The following LHPP variants were observed in gnomAD, a reference collection of about 807,000 sequenced individuals.
LHPP encodes the protein hLHPP.
In LHPP, 24 loss-of-function variants were observed where a neutral mutation model predicts 30.3. The ratio of observed to expected loss-of-function variants is 0.79; its 90% CI spans 0.57 to 1.11. The LOEUF (loss-of-function observed/expected upper bound fraction) is 1.11, where lower values mean the gene tolerates loss of function less well. Among genes scored for constraint, LHPP ranks in the 50% most tolerant of loss-of-function variants. The probability of loss-of-function intolerance (pLI) is 0.00; values close to 1 mark genes in which losing one functional copy is unlikely to be tolerated. For missense variants in LHPP, 356 were observed against 367.2 expected (o/e 0.97, Z 0.25); for synonymous variants, 150 against 157.1 (o/e 0.95, Z 0.34).
intron 3 of LHPP, among the ~76,000 whole-genome samples, chr10:124,494,618 C>T (rs1013928768): frequency 6.6e-6 from 1 of 152,160 alleles, no homozygotes; most frequent in Non-Finnish European, 1.5e-5. Flanking sequence ...GGTGGCGTGG[C>T]CACCCTGGTC....
chr10:124,588,613 A>C (rs1948835008), intron 6 of LHPP, among the ~76,000 whole-genome samples: 1 of 152,196 alleles, frequency 6.6e-6, no homozygotes, highest in East Asian at 1.9e-4. Context: ...GTTTTTACAG[A>C]TGTCTGCAAA....
chr10:124,537,027 T>G (rs911866845), intron 6 of LHPP, among the ~76,000 whole-genome samples: 5 of 152,222 alleles, frequency 3.3e-5, no homozygotes, highest in Non-Finnish European at 7.3e-5. Flanking sequence ...TTCAGAATAA[T>G]CTAGCACTTA....
At chr10:124,480,639 C>T (rs970300211) in intron 1 of LHPP, among the ~76,000 whole-genome samples, 28 of 152,152 alleles carry the variant, frequency 1.8e-4, no homozygotes, top group African/African-American at 6.3e-4. Context: ...CCATAATGTA[C>T]AAGGTGACGC....
intron 6 of LHPP, among the ~76,000 whole-genome samples, chr10:124,545,636 G>T (rs535185430): frequency 1.3e-5 from 2 of 150,092 alleles, no homozygotes; most frequent in African/African-American, 2.5e-5. Flanking sequence ...AAGGCCCAGC[G>T]GGTGTGTCAG....
At chr10:124,500,421 G>A (rs912242845) in intron 5 of LHPP, among the ~76,000 whole-genome samples, 1 of 151,972 alleles carries the variant, frequency 6.6e-6, no homozygotes, top group Admixed American at 6.5e-5. Flanking sequence ...GCAGTGAGCC[G>A]AAATTGTGCC....
Position 124,496,891 on chromosome 10 carries a change from C to A in LHPP, c.468-70C>A. On this transcript the variant is annotated intron_variant, in intron 3 of 6. Coordinates refer to ENST00000368842, the MANE Select transcript of LHPP (RefSeq NM_022126.4). This position sits in a 1 kb window ranked among gnomAD's most constrained non-coding sequence, Gnocchi z 4.3. The stretch of plus-strand genomic sequence containing the variant: ...AGCGGGACAGGCCCGGTGCTCAGCT[C>A]CCGATACTTAGCATCCTGCGGTCAG... 1 of 1,428,068 alleles carries A rather than the reference C, an allele frequency of 7.0e-7. No individual in the cohort carries two copies. The highest frequency in any genetic ancestry group is 9.8e-7 in the Non-Finnish European group (1 of 1,022,238). 88.5% of individuals were successfully genotyped at this position (1,428,068 alleles called of 1,614,324 possible).
chr10:124,568,950 C>T (rs556499395), intron 6 of LHPP, among the ~76,000 whole-genome samples: 3 of 152,206 alleles, frequency 2.0e-5, no homozygotes, highest in East Asian at 3.9e-4. Context: ...GTTCTGTCCC[C>T]CCCACGGCTC....
At chr10:124,566,692 C>T (rs1011095074) in intron 6 of LHPP, among the ~76,000 whole-genome samples, 1 of 152,042 alleles carries the variant, frequency 6.6e-6, no homozygotes, top group African/African-American at 2.4e-5. Context: ...TGGATGGAGT[C>T]GCAGCAGACA....
Position 124,488,503 on chromosome 10 carries a change from A to T in LHPP, c.395A>T (p.Tyr132Phe). 1 of 1,614,074 alleles carries T rather than the reference A, an allele frequency of 6.2e-7. No homozygotes were observed. Among genetic ancestry groups the T allele is most frequent in the Non-Finnish European group, 8.5e-7 (1 of 1,180,008 alleles). ...GCAGACGCAGGAGAAAGCTTTTCTT[A>T]TCAAAACATGAATAACGCCTTCCAG... ...VIADAGESFS[Y>F]QNMNNAFQVL... Residue 132 changes from tyrosine to phenylalanine, a missense_variant, in exon 3 of 7, where the codon TAT (tyrosine) becomes TTT (phenylalanine). Tyr to Phe is a conservative substitution (Grantham distance 22). Transcript: ENST00000368842.
chr10:124,507,013 G>GTA lies in LHPP; in HGVS notation c.624+8885_624+8886insTA, dbSNP rs1284849823. Among the ~76,000 whole-genome samples the GTA allele has an allele frequency of 9.1e-5, 2 of 22,056 alleles. 1 individual carries two copies. The highest frequency in any genetic ancestry group is 3.4e-4 in the African/African-American group (2 of 5,824). The allele number at this position is 22,056 out of a possible 152,430, so 14.5% of individuals were successfully genotyped here. On this transcript the variant is annotated intron_variant, in intron 5 of 6. Transcript: ENST00000368842. ...GGGGGGTAGGGAGGATTTCAGGTCG[G>GTA]GGGGTAGACAGGATTTCAGGTGAGG...
chr10:124,464,737 A>T (rs934044239), intron 1 of LHPP, among the ~76,000 whole-genome samples: 1 of 152,172 alleles, frequency 6.6e-6, no homozygotes, highest in African/African-American at 2.4e-5. Context: ...CCAGAGCTCA[A>T]TGCTGTGACT....
At position 124,523,800 on chromosome 10, in the gene LHPP, G is replaced by A. The variant is rs1383275318; in HGVS notation, c.716+6529G>A. Reference sequence around the variant, plus strand: ...TGCTGGGCTTGGGAGCTCACCCCAAGTTCCTCGGGTACTCATCCTGGCAGT... The same window carrying A: ...TGCTGGGCTTGGGAGCTCACCCCAAATTCCTCGGGTACTCATCCTGGCAGT... On this transcript the variant is annotated intron_variant, in intron 6 of 6. Coordinates refer to ENST00000368842, the MANE Select transcript of LHPP (RefSeq NM_022126.4). This position sits in a 1 kb window ranked among gnomAD's most constrained non-coding sequence, Gnocchi z 4.2. Among the ~76,000 whole-genome samples the A allele has an allele frequency of 1.3e-5, 2 of 152,186 alleles. No homozygotes were observed. The highest frequency in any genetic ancestry group is 3.9e-4 in the East Asian group (2 of 5,192).
intron 6 of LHPP, among the ~76,000 whole-genome samples, chr10:124,587,622 C>G (rs1434230857): frequency 6.6e-6 from 1 of 151,610 alleles, no homozygotes; most frequent in South Asian, 2.1e-4. Context: ...CTCCTGTAAT[C>G]CCAGCCACTC....
intron 6 of LHPP, among the ~76,000 whole-genome samples, chr10:124,546,703 C>G (rs964675558): frequency 1.2e-4 from 18 of 152,168 alleles, no homozygotes; most frequent in African/African-American, 1.7e-4. Flanking sequence ...AGCCACCGCG[C>G]CCGCCTCATG....
At chr10:124,572,253 G>C (rs12260704) in intron 6 of LHPP, among the ~76,000 whole-genome samples, 47,487 of 152,058 alleles carry the variant, frequency 0.31, 7,479 homozygotes, top group South Asian at 0.4. Context: ...CAGAGCAGGG[G>C]GACTGCTCAG....
intron 1 of LHPP, among the ~76,000 whole-genome samples, chr10:124,477,139 G>A (rs557074794): frequency 6.6e-6 from 1 of 152,208 alleles, no homozygotes. Context: ...GGAGGCAGAG[G>A]TTGTGGTAAG....
intron 6 of LHPP, among the ~76,000 whole-genome samples, chr10:124,609,296 G>C (rs997149176): frequency 6.6e-6 from 1 of 152,214 alleles, no homozygotes; most frequent in Non-Finnish European, 1.5e-5. Flanking sequence ...AGGTTGGAAT[G>C]CAGTGGTGTG....
chr10:124,591,621 G>A (rs776090854), intron 6 of LHPP, among the ~76,000 whole-genome samples: 1 of 151,848 alleles, frequency 6.6e-6, no homozygotes, highest in Non-Finnish European at 1.5e-5. Context: ...TCCTCTGCTT[G>A]CTTTGGGTTT....
At chr10:124,602,207 C>T (rs1003115232) in intron 6 of LHPP, among the ~76,000 whole-genome samples, 1 of 152,216 alleles carries the variant, frequency 6.6e-6, no homozygotes, top group Non-Finnish European at 1.5e-5. Flanking sequence ...AGGTTTAAAC[C>T]CCAGCTCTGC....
Sources: gnomAD v4.1 joint callset for allele counts (sites outside exome capture counted in the v4.1 genomes callset) on GRCh38, gnomAD v4.1.1 for gene constraint, Gnocchi (gnomAD v3.1) non-coding constraint, MANE v1.5 for transcripts, NCBI Gene and HGNC (gene_info 2026-07-23, HGNC 2026-07-21) for gene names.